SPATA33: variants seen among roughly 807,000 people sequenced by gnomAD.
SPATA33 encodes the protein spermatogenesis associated 33, also known as spermatogenesis-associated protein 33.
A neutral mutation model predicts 8.9 loss-of-function variants in SPATA33; 10 were observed. The ratio of observed to expected loss-of-function variants is 1.12; its 90% CI spans 0.69 to 1.90. SPATA33 has a LOEUF of 1.90. Ranked by LOEUF, SPATA33 falls within the 40% of genes most tolerant of loss-of-function variation. The pLI, the probability that SPATA33 is intolerant of heterozygous loss-of-function variation, is 0.00. For missense variants in SPATA33, 241 were observed against 178.3 expected (o/e 1.35, Z -2.00); for synonymous variants, 96 against 72.8 (o/e 1.32, Z -1.63).
intron 2 of SPATA33, among the ~76,000 whole-genome samples, chr16:89,668,860 A>C (rs899607950): frequency 2.6e-5 from 4 of 152,224 alleles, no homozygotes; most frequent in African/African-American, 4.8e-5. Context: ...AACATCAGAC[A>C]TGTCCATTTC....
chr16:89,658,162 G>A (rs374976099), intron 1 of SPATA33, 86 bp from the exon 2 acceptor site: 2 of 1,581,804 alleles, frequency 1.3e-6, no homozygotes, highest in Non-Finnish European at 8.6e-7. Context: ...GCTTATTCTG[G>A]ACCCACGCAG....
intron 1 of SPATA33, 62 bp from the exon 2 acceptor site, chr16:89,658,186 A>T: frequency 3.1e-6 from 5 of 1,603,472 alleles, no homozygotes; most frequent in Non-Finnish European, 4.3e-6. Flanking sequence ...ACTGAAGACG[A>T]TGGGACCCAC....
chr16:89,668,738 C>G (rs1433134568), intron 2 of SPATA33, among the ~76,000 whole-genome samples: 2 of 152,264 alleles, frequency 1.3e-5, no homozygotes, highest in African/African-American at 4.8e-5. Context: ...GCCAGGAGAG[C>G]AGCCGGTGAA....
chr16:89,660,736 C>A, intron 2 of SPATA33: 1 of 773,886 alleles, frequency 1.3e-6, no homozygotes, highest in Non-Finnish European at 1.8e-6. Context: ...AAATGGGAGC[C>A]GGCCACAGCT....
intron 2 of SPATA33, among the ~76,000 whole-genome samples, chr16:89,662,761 A>G (rs11640702): frequency 0.46 from 70,319 of 151,398 alleles, 16,880 homozygotes; most frequent in South Asian, 0.61. Context: ...GTGAGCCACC[A>G]CGCCCAGCCT....
chr16:89,665,041 G>C (rs778705451), intron 2 of SPATA33, among the ~76,000 whole-genome samples: 3 of 152,176 alleles, frequency 2.0e-5, no homozygotes, highest in Non-Finnish European at 4.4e-5. Context: ...TCTCACCCAG[G>C]CTGGAGTGCA....
At chr16:89,658,453 T>A in intron 2 of SPATA33, 32 bp downstream of exon 2, 1 of 1,569,060 alleles carries the variant, frequency 6.4e-7, no homozygotes, top group East Asian at 2.3e-5. Flanking sequence ...CGAAGCGAGG[T>A]CAGTGGCTTG....
intron 1 of SPATA33, 54 bp downstream of exon 1, chr16:89,658,002 C>T (rs888058382): frequency 2.7e-6 from 4 of 1,503,284 alleles, no homozygotes; most frequent in Non-Finnish European, 3.5e-6. Context: ...GGGCGCGGGC[C>T]CAGGGCGGGG....
chr16:89,665,393 C>T (rs903536023), intron 2 of SPATA33, among the ~76,000 whole-genome samples: 3 of 152,130 alleles, frequency 2.0e-5, no homozygotes, highest in African/African-American at 7.2e-5. Flanking sequence ...CAAGCTCCGC[C>T]TCCCGGGTTC....
At position 89,658,418 on chromosome 16, in the gene SPATA33, G is replaced by A. The variant is rs748399125; in HGVS notation, c.208G>A (p.Glu70Lys). 3.1e-6 allele frequency: 5 copies of A among 1,605,368 alleles called. No homozygotes were observed. In the South Asian group the frequency reaches 5.5e-5, roughly 18 times the overall value. The change falls in exon 2 of 3, where the codon GAA (glutamate) becomes AAA (lysine). Residue 70 changes from glutamate (E) to lysine (K), a missense_variant. Coordinates refer to ENST00000579310, the MANE Select transcript of SPATA33 (RefSeq NM_001271907.2). The stretch of plus-strand genomic sequence containing the variant: ...GCACCCGCCGCCGGCAGCTTCGCTG[G>A]AAGGTAGGAGACGGCGGGAGGGAGC... ...AKHPPPAASLEEKPDVKQKSS... is the reference protein window; with the variant it reads ...AKHPPPAASLKEKPDVKQKSS...
intron 2 of SPATA33, among the ~76,000 whole-genome samples, chr16:89,663,292 T>C (rs2059986945): frequency 6.6e-6 from 1 of 150,784 alleles, no homozygotes; most frequent in Non-Finnish European, 1.5e-5. Context: ...CTTGGCTCAC[T>C]GCAACCTTGG....
chr16:89,669,667 G>C lies in SPATA33; in HGVS notation c.*170G>C, dbSNP rs555716525. On this transcript the variant is annotated 3_prime_UTR_variant, in exon 3 of 3. Coordinates refer to ENST00000579310, the MANE Select transcript of SPATA33 (RefSeq NM_001271907.2). ...CCCCCTTCTCCAGTGCTTTCGGGGA[G>C]GGTGCACCAGGCCCGCCCCACCTTG... 62 of 653,516 alleles carry C rather than the reference G, an allele frequency of 9.5e-5. 1 individual carries two copies. In the Admixed American group the frequency reaches 1.1e-3, roughly 11 times the overall value. 40.5% of individuals were successfully genotyped at this position (653,516 alleles called of 1,614,324 possible). A position where few individuals can be genotyped will look rare whatever the true frequency, so the allele number is the denominator to read the frequency against.
At chr16:89,660,930 C>T in intron 2 of SPATA33, 1 of 1,024,992 alleles carries the variant, frequency 9.8e-7, no homozygotes, top group Non-Finnish European at 1.2e-6. Flanking sequence ...CAGCTTGGGG[C>T]ATGCACCTCA....
intron 2 of SPATA33, chr16:89,661,579 C>A (rs980836366): frequency 1.3e-5 from 2 of 152,156 alleles, no homozygotes; most frequent in African/African-American, 4.8e-5. Flanking sequence ...TATACTGTTA[C>A]CCCTACTACT....
At chr16:89,667,811 A>G (rs995716678) in intron 2 of SPATA33, among the ~76,000 whole-genome samples, 1 of 151,978 alleles carries the variant, frequency 6.6e-6, no homozygotes, top group Non-Finnish European at 1.5e-5. Flanking sequence ...TAGGCAGGCG[A>G]CTTGGCCTCT....
rs776726821 is a variant in SPATA33 at position 89,658,305 on chromosome 16, T to G, written c.95T>G (p.Met32Arg). 5.6e-6 allele frequency: 9 copies of G among 1,613,994 alleles called. No individual in the cohort carries two copies. The East Asian group carries it at 1.6e-4, about 28-fold the overall frequency. The change falls in exon 2 of 3, where the codon ATG becomes AGG. Residue 32 changes from methionine to arginine, a missense_variant. Transcript: ENST00000579310. ...YSVPKSKEKL[M>R]EKHSQEARQA... The stretch of plus-strand genomic sequence containing the variant: ...GTTCCAAAATCTAAGGAGAAGTTGA[T>G]GGAGAAGCATTCCCAGGAAGCCAGG...
chr16:89,658,164 C>T lies in SPATA33; in HGVS notation c.38-84C>T, dbSNP rs154664. The T allele has an allele frequency of 5.2e-3, 8,280 of 1,582,460 alleles. 282 individuals carry two copies. The African/African-American group carries it at 0.083, about 16-fold the overall frequency. On this transcript the variant is annotated intron_variant, in intron 1 of 2. Coordinates refer to ENST00000579310, the MANE Select transcript of SPATA33 (RefSeq NM_001271907.2). Reference sequence around the variant, plus strand: ...AGACTTGAAGCCAGCTTATTCTGGACCCACGCAGGCGACTGAAGACGATGG... The same window carrying T: ...AGACTTGAAGCCAGCTTATTCTGGATCCACGCAGGCGACTGAAGACGATGG...
rs962675854 is a variant in SPATA33 at position 89,669,221 on chromosome 16, G to T, written c.212-65G>T. 12 of 1,428,480 alleles carry T rather than the reference G, an allele frequency of 8.4e-6. 1 individual carries two copies. The Admixed American group carries it at 1.9e-4, about 22-fold the overall frequency. The allele number at this position is 1,428,480 out of a possible 1,614,324, so 88.5% of individuals were successfully genotyped here. A position where few individuals can be genotyped will look rare whatever the true frequency, so the allele number is the denominator to read the frequency against. On this transcript the variant is annotated intron_variant, in intron 2 of 2. Coordinates refer to ENST00000579310, the MANE Select transcript of SPATA33 (RefSeq NM_001271907.2). ...TCCTTTACTCTGACCAATGGCAGGA[G>T]GTGTGTGCATCGTGGAAGGAGCTTT...
chr16:89,658,532 C>G, intron 2 of SPATA33, 111 bp downstream of exon 2: 1 of 1,383,100 alleles, frequency 7.2e-7, no homozygotes, highest in South Asian at 1.4e-5. Flanking sequence ...AGCAGGCACG[C>G]GCCGTAAAGA....
Sources: gnomAD v4.1 joint callset for allele counts (sites outside exome capture counted in the v4.1 genomes callset) on GRCh38, gnomAD v4.1.1 for gene constraint, MANE v1.5 for transcripts, NCBI Gene and HGNC (gene_info 2026-07-23, HGNC 2026-07-21) for gene names.